The following ASXL3 variants were observed in gnomAD, a reference collection of about 807,000 sequenced individuals.
ASXL3 encodes putative Polycomb group protein ASXL3.
In ASXL3, 34 loss-of-function variants were observed where a neutral mutation model predicts 170.6. That is an observed-to-expected ratio of 0.20 (90% confidence interval 0.15 to 0.27). The LOEUF is 0.27. Among genes scored for constraint, ASXL3 ranks in the 10% least tolerant of loss-of-function variants. The pLI, the probability that ASXL3 is intolerant of heterozygous loss-of-function variation, is 1.00. For missense variants in ASXL3, 2,592 were observed against 2,695.3 expected, an observed-to-expected ratio of 0.96 and a Z score of 0.85; for synonymous variants, 1,002 against 989.1, an observed-to-expected ratio of 1.01 and a Z score of -0.24.
At position 33,748,330 on chromosome 18, in the gene ASXL3, T is replaced by G. The variant is rs1024278283; in HGVS notation, c.*1735T>G. The stretch of plus-strand genomic sequence containing the variant: ...TAATATGTTTTTTTCTCCGTATTTA[T>G]TGTGATGTTGCCAAATTTCTTTCTT... On this transcript the variant is annotated 3_prime_UTR_variant, in exon 12 of 12. Coordinates refer to ENST00000269197, the MANE Select transcript of ASXL3 (RefSeq NM_030632.3). 1 of 152,198 alleles carries G rather than the reference T, an allele frequency of 6.6e-6. No individual in the cohort carries two copies. Among genetic ancestry groups the G allele is most frequent in the Non-Finnish European group, 1.5e-5 (1 of 68,032 alleles). The allele number at this position is 152,198 out of a possible 1,614,324, so 9.4% of individuals were successfully genotyped here.
At chr18:33,584,500 G>A (rs957361820) in intron 1 of ASXL3, among the ~76,000 whole-genome samples, 1 of 151,902 alleles carries the variant, frequency 6.6e-6, no homozygotes, top group Admixed American at 6.6e-5. Context: ...AGTGATGGGG[G>A]GTGCACCAGT....
At chr18:33,645,070 A>G (rs1373559216) in intron 3 of ASXL3, 68 bp downstream of exon 3, 25 of 1,037,284 alleles carry the variant, frequency 2.4e-5, no homozygotes, top group Non-Finnish European at 1.8e-5. Flanking sequence ...GTGAAGGTAA[A>G]CAAAATTAGA....
chr18:33,683,324 A>C, intron 7 of ASXL3, 81 bp from the exon 8 acceptor site: 1 of 1,213,850 alleles, frequency 8.2e-7, no homozygotes, highest in Non-Finnish European at 1.1e-6. Flanking sequence ...CACTAGATAT[A>C]TGTGGCTGTG....
intron 1 of ASXL3, among the ~76,000 whole-genome samples, chr18:33,594,162 C>A (rs2065103975): frequency 6.6e-6 from 1 of 152,126 alleles, no homozygotes; most frequent in South Asian, 2.1e-4. Flanking sequence ...TATAAGAGAA[C>A]AACATCTGGC....
chr18:33,717,426 A>T (rs1367935153), intron 8 of ASXL3, among the ~76,000 whole-genome samples: 1 of 152,164 alleles, frequency 6.6e-6, no homozygotes, highest in East Asian at 1.9e-4. Flanking sequence ...CTCATATGTT[A>T]GGTAGCATAT....
chr18:33,686,684 A>G (rs968899196), intron 8 of ASXL3, among the ~76,000 whole-genome samples: 1 of 152,210 alleles, frequency 6.6e-6, no homozygotes, highest in Non-Finnish European at 1.5e-5. Context: ...TATTCTGCTG[A>G]GGGGGAATAT....
Position 33,710,170 on chromosome 18 carries a change from C to T in ASXL3, c.880-21798C>T, listed in dbSNP as rs181089825. Reference sequence around the variant, plus strand: ...ACTCAGGAGGCTGAGGCAGGAGAATCGCTTGAACCCAGGAGATGGAGGTTG... The same window carrying T: ...ACTCAGGAGGCTGAGGCAGGAGAATTGCTTGAACCCAGGAGATGGAGGTTG... On this transcript the variant is annotated intron_variant, in intron 8 of 11. Transcript: ENST00000269197. 2.2e-4 allele frequency among the ~76,000 whole-genome samples: 34 copies of T among 152,280 alleles called. 1 individual carries two copies. Among genetic ancestry groups the T allele is most frequent in the Admixed American group, 2.1e-3 (32 of 15,292 alleles).
chr18:33,747,057 T>G lies in ASXL3; in HGVS notation c.*462T>G, dbSNP rs2067807516. The G allele has an allele frequency of 6.5e-6, 1 of 153,976 alleles. No homozygotes were observed. The highest frequency in any genetic ancestry group is 1.4e-5 in the Non-Finnish European group (1 of 69,228). The allele number at this position is 153,976 out of a possible 1,614,324, so 9.5% of individuals were successfully genotyped here. A position where few individuals can be genotyped will look rare whatever the true frequency, so the allele number is the denominator to read the frequency against. On this transcript the variant is annotated 3_prime_UTR_variant, in exon 12 of 12. Transcript: ENST00000269197. ...TTCTCTGAACCTAGCTTTACCACAG[T>G]GATTAAATCCTATTTAGAAAGGGGA...
In ASXL3 at chr18:33,620,713, A is replaced by C. The variant is rs76489590; in HGVS notation, c.137+13037A>C. Among the ~76,000 whole-genome samples, 264 of 152,192 alleles carry C rather than the reference A, an allele frequency of 1.7e-3. 1 individual carries two copies. Among genetic ancestry groups the C allele is most frequent in the African/African-American group, 6.1e-3 (255 of 41,532 alleles). On this transcript the variant is annotated intron_variant, in intron 2 of 11. Coordinates refer to ENST00000269197, the MANE Select transcript of ASXL3 (RefSeq NM_030632.3). ...TGGTAAAGTCTTCTCTCCTTTTCTC[A>C]TAAGAAGGTGATGAGGGATTGTGAA...
chr18:33,646,352 A>C lies in ASXL3; in HGVS notation c.354A>C (p.Gly118=), dbSNP rs1290519490. 8 of 1,604,292 alleles carry C rather than the reference A, an allele frequency of 5.0e-6. No individual in the cohort carries two copies. Among genetic ancestry groups the C allele is most frequent in the Non-Finnish European group, 6.8e-6 (8 of 1,173,512 alleles). The change falls in exon 4 of 12, where the codon GGA becomes GGC. Residue 118 remains glycine (G), a splice_region_variant and synonymous_variant. Transcript: ENST00000269197. The part of the protein sequence containing the change: ...AEANAHGEEN[G]VCSKQVTDEA... ...CAAATGCCCATGGAGAAGAAAATGGAGGTAAGTGTGATGAATTCCAAAATA... is the reference window on the plus strand; with the variant it reads ...CAAATGCCCATGGAGAAGAAAATGGCGGTAAGTGTGATGAATTCCAAAATA...
At chr18:33,617,438 C>T (rs2065443729) in intron 2 of ASXL3, among the ~76,000 whole-genome samples, 2 of 152,142 alleles carry the variant, frequency 1.3e-5, no homozygotes, top group African/African-American at 4.8e-5. Context: ...TTGCATTGAG[C>T]TGAGATGATG....
At chr18:33,736,916 T>G (rs1282164465) in intron 10 of ASXL3, among the ~76,000 whole-genome samples, 1 of 152,302 alleles carries the variant, frequency 6.6e-6, no homozygotes, top group Non-Finnish European at 1.5e-5. Context: ...TACCTATATG[T>G]ATATTTAATA....
chr18:33,583,311 G>A (rs2064655675), intron 1 of ASXL3, among the ~76,000 whole-genome samples: 3 of 152,170 alleles, frequency 2.0e-5, no homozygotes, highest in Admixed American at 2.0e-4. Context: ...GTACACAAGA[G>A]CATAACTGAC....
rs564563093 is a variant in ASXL3 at position 33,738,747 on chromosome 18, C to A, written c.1343C>A (p.Ser448Tyr). The change falls in exon 11 of 12, where the codon TCT (serine) becomes TAT (tyrosine). Residue 448 changes from serine (S) to tyrosine (Y), a missense_variant. Around this residue, in one of 4 missense-constraint regions of ASXL3, gnomAD observed 2,246 missense variants for 2,219.6 expected, o/e 1.01. Transcript: ENST00000269197. ...GAGGATATCTTGATCCCTGAAGAAT[C>A]TGTAATTCAGGAGGAAATTGCAGAA... Reference protein sequence around the residue: ...ESEDILIPEESVIQEEIAEEV... With the variant: ...ESEDILIPEEYVIQEEIAEEV... 6.2e-7 allele frequency: 1 copy of A among 1,613,922 alleles called. No individual in the cohort carries two copies. Among genetic ancestry groups the A allele is most frequent in the African/African-American group, 1.3e-5 (1 of 75,038 alleles).
At chr18:33,641,780 A>G (rs2065850532) in intron 2 of ASXL3, 1 of 152,528 alleles carries the variant, frequency 6.6e-6, no homozygotes. Context: ...TTTTCCTTCT[A>G]TAAATCGGGA....
rs1330440545 is a variant in ASXL3, at chr18:33,743,452, A to T, written c.3604A>T (p.Ser1202Cys). ...PETATDLSVH[S>C]SDENIPVSHL... ...AACTGCCACTGACTTATCTGTGCAT[A>T]GTTCTGATGAAAACATACCTGTGTC... The change falls in exon 12 of 12, where the codon AGT (serine) becomes TGT (cysteine). Residue 1202 changes from serine to cysteine, a missense_variant. By Grantham distance (112) the Ser-to-Cys change is moderately radical (BLOSUM62 -1). This residue lies in a region of ASXL3 where 2,246 missense variants were observed against 2,219.6 expected (regional missense o/e 1.01). Transcript: ENST00000269197. 5 of 1,613,446 alleles carry T rather than the reference A, an allele frequency of 3.1e-6. No homozygotes were observed. Among genetic ancestry groups the T allele is most frequent in the Non-Finnish European group, 4.2e-6 (5 of 1,179,894 alleles).
intron 1 of ASXL3, among the ~76,000 whole-genome samples, chr18:33,594,096 C>A (rs145236141): frequency 1.9e-3 from 293 of 152,244 alleles, no homozygotes; most frequent in Non-Finnish European, 3.3e-3. Context: ...AGATAGCTTG[C>A]ATTGAGAAGA....
rs183040308 is a variant in ASXL3, at chr18:33,669,922, T to G, written c.478-751T>G. ...TAGATAAGCTGTATTTCAAAACTTT[T>G]AAATGTCTTTTATTACATTATCATC... On this transcript the variant is annotated intron_variant, in intron 5 of 11. Transcript: ENST00000269197. Among the ~76,000 whole-genome samples, 37 of 152,340 alleles carry G rather than the reference T, an allele frequency of 2.4e-4. 2 individuals carry two copies. Among genetic ancestry groups the G allele is most frequent in the Admixed American group, 2.3e-3 (35 of 15,308 alleles).
In ASXL3 at chr18:33,743,297, C is replaced by T. The variant is rs370340184; in HGVS notation, c.3449C>T (p.Thr1150Ile). The change falls in exon 12 of 12, where the codon ACA becomes ATA. Residue 1150 changes from threonine to isoleucine, a missense_variant. By Grantham distance (89) the Thr-to-Ile change is moderately conservative (BLOSUM62 -1). Around this residue, in one of 4 missense-constraint regions of ASXL3, gnomAD observed 2,246 missense variants for 2,219.6 expected, o/e 1.01. Coordinates refer to ENST00000269197, the MANE Select transcript of ASXL3 (RefSeq NM_030632.3). ...PNLEVSSTPETKMEGSTGVII... is the reference protein window; with the variant it reads ...PNLEVSSTPEIKMEGSTGVII... The stretch of plus-strand genomic sequence containing the variant: ...TTAGAAGTCTCTTCTACCCCTGAAA[C>T]AAAAATGGAAGGTTCGACTGGTGTC... The T allele has an allele frequency of 1.9e-6, 3 of 1,613,728 alleles. No individual in the cohort carries two copies. Among genetic ancestry groups the T allele is most frequent in the African/African-American group, 2.7e-5 (2 of 74,906 alleles).
Sources: allele counts gnomAD v4.1 joint callset (sites outside exome capture counted in the v4.1 genomes callset), GRCh38; gene constraint gnomAD v4.1.1; regional missense constraint gnomAD v4.1.1; transcripts MANE v1.5; gene names NCBI Gene and HGNC (gene_info 2026-07-23, HGNC 2026-07-21).